The following DCDC1 variants were observed in gnomAD, a reference collection of about 807,000 sequenced individuals.
DCDC1 encodes the protein doublecortin domain-containing protein 1.
DCDC1 carries 200 observed loss-of-function variants against 178.3 expected under a neutral mutation model. The observed-to-expected ratio is 1.12, with a 90% confidence interval of 1.00 to 1.26. The LOEUF (loss-of-function observed/expected upper bound fraction) is 1.26. DCDC1 is among the 50% of genes most tolerant of loss of function. The probability of loss-of-function intolerance (pLI) is 0.00; values close to 1 mark genes in which losing one functional copy is unlikely to be tolerated. For missense variants in DCDC1, 1,983 were observed against 1,749.2 expected (o/e 1.13, Z -2.38); for synonymous variants, 690 against 604.8 (o/e 1.14, Z -2.07).
chr11:31,028,142 TA>T (rs930309492), intron 20 of DCDC1, among the ~76,000 whole-genome samples: 2 of 151,932 alleles, frequency 1.3e-5, no homozygotes, highest in Non-Finnish European at 2.9e-5. Context: ...ATAATAAAGC[TA>T]TTTTTTCTAA....
At chr11:31,206,047 G>C (rs1272423333) in intron 9 of DCDC1, among the ~76,000 whole-genome samples, 1 of 152,070 alleles carries the variant, frequency 6.6e-6, no homozygotes, top group South Asian at 2.1e-4. Context: ...ACATTACTGC[G>C]ATAGATGAGT....
At chr11:31,332,978 G>A (rs950232010) in intron 2 of DCDC1, among the ~76,000 whole-genome samples, 3 of 152,090 alleles carry the variant, frequency 2.0e-5, no homozygotes, top group African/African-American at 7.2e-5. Flanking sequence ...ACTGACAGTG[G>A]GGTGTTAAAG....
intron 6 of DCDC1, among the ~76,000 whole-genome samples, chr11:31,294,047 A>G (rs1162058648): frequency 6.6e-6 from 1 of 152,190 alleles, no homozygotes; most frequent in Non-Finnish European, 1.5e-5. Flanking sequence ...TTGCTTATTC[A>G]TTCAACAATA....
At chr11:31,130,865 C>T (rs1479305181) in intron 10 of DCDC1, among the ~76,000 whole-genome samples, 5 of 150,826 alleles carry the variant, frequency 3.3e-5, no homozygotes, top group African/African-American at 1.2e-4. Context: ...CTAAGGGAAA[C>T]AGAAAAAAGA....
At chr11:31,021,552 A>T (rs1406031214) in intron 20 of DCDC1, among the ~76,000 whole-genome samples, 1 of 152,146 alleles carries the variant, frequency 6.6e-6, no homozygotes, top group Non-Finnish European at 1.5e-5. Flanking sequence ...TATATGCATT[A>T]AAAAAATCTC....
intron 20 of DCDC1, among the ~76,000 whole-genome samples, chr11:30,997,854 C>T (rs904019140): frequency 2.0e-5 from 3 of 151,864 alleles, no homozygotes; most frequent in African/African-American, 7.3e-5. Flanking sequence ...AGCATCCAGA[C>T]CTTGGTTTCT....
chr11:31,197,103 T>TA (rs1970783327), intron 9 of DCDC1, among the ~76,000 whole-genome samples: 1 of 152,114 alleles, frequency 6.6e-6, no homozygotes, highest in South Asian at 2.1e-4. Context: ...TATATATATA[T>TA]TTTTATGTCA....
At chr11:31,326,600 G>T (rs1024459249) in intron 3 of DCDC1, among the ~76,000 whole-genome samples, 9 of 152,018 alleles carry the variant, frequency 5.9e-5, no homozygotes, top group African/African-American at 2.2e-4. Flanking sequence ...AACACACAGG[G>T]TATTCATTTT....
At chr11:30,908,864 G>T in intron 29 of DCDC1, 82 bp downstream of exon 29, 1 of 1,319,072 alleles carries the variant, frequency 7.6e-7, no homozygotes, top group Non-Finnish European at 1.0e-6. Context: ...AAGTTTTCTA[G>T]GGAAAAAAAT....
At chr11:31,173,238 C>T (rs981666740) in intron 9 of DCDC1, among the ~76,000 whole-genome samples, 3 of 152,014 alleles carry the variant, frequency 2.0e-5, no homozygotes, top group South Asian at 2.1e-4. Flanking sequence ...AAGAAAGTGA[C>T]GAAGAATTTG....
chr11:31,316,354 G>C (rs929916056), intron 3 of DCDC1, among the ~76,000 whole-genome samples: 78 of 128,322 alleles, frequency 6.1e-4, no homozygotes, highest in Non-Finnish European at 9.9e-4. Flanking sequence ...ATTCTAACTG[G>C]TGTGAAATGA....
At chr11:31,096,233 T>TA (rs1242421422) in intron 15 of DCDC1, among the ~76,000 whole-genome samples, 11 of 152,236 alleles carry the variant, frequency 7.2e-5, no homozygotes, top group Non-Finnish European at 1.3e-4. Flanking sequence ...ATTTGACTTA[T>TA]AGTGCTTACA....
At chr11:31,073,468 T>C (rs569968929) in intron 18 of DCDC1, among the ~76,000 whole-genome samples, 2 of 152,296 alleles carry the variant, frequency 1.3e-5, no homozygotes, top group African/African-American at 4.8e-5. Flanking sequence ...TTAGATAAGA[T>C]GGAATTATGT....
In DCDC1 at chr11:31,001,271, C is replaced by T. The variant is rs7130151; in HGVS notation, c.2592-48703G>A. 2.9e-3 allele frequency among the ~76,000 whole-genome samples: 441 copies of T among 152,024 alleles called. 15 individuals are homozygous for T. The East Asian group carries it at 0.072, about 25-fold the overall frequency. On this transcript the variant is annotated intron_variant, in intron 20 of 38. Transcript: ENST00000684477. ...TGTCAAGTAAAGGCATTTTGAAAGG[C>T]TTATAAACCATATTAAGTGGATTTT...
intron 21 of DCDC1, among the ~76,000 whole-genome samples, chr11:30,942,208 T>G (rs976769920): frequency 3.3e-5 from 5 of 152,182 alleles, no homozygotes; most frequent in Non-Finnish European, 7.4e-5. Context: ...TTATGACAAC[T>G]TCATTGTATA....
chr11:30,945,350 CAATT>C (rs1353743915), intron 21 of DCDC1, among the ~76,000 whole-genome samples: 1 of 151,940 alleles, frequency 6.6e-6, no homozygotes, highest in Non-Finnish European at 1.5e-5. Flanking sequence ...TCACTTAAAT[CAATT>C]AATTAACTGA....
At chr11:30,921,790 A>G (rs1029001666) in intron 24 of DCDC1, among the ~76,000 whole-genome samples, 2 of 152,172 alleles carry the variant, frequency 1.3e-5, no homozygotes, top group African/African-American at 4.8e-5. Flanking sequence ...TGCTACTCCA[A>G]TCTGAGGCAC....
intron 11 of DCDC1, among the ~76,000 whole-genome samples, chr11:31,124,435 T>G (rs1961295352): frequency 6.6e-6 from 1 of 152,138 alleles, no homozygotes; most frequent in African/African-American, 2.4e-5. Flanking sequence ...AACACTATTT[T>G]AAAGTTCATA....
chr11:31,182,734 A>T (rs1968974250), intron 9 of DCDC1, among the ~76,000 whole-genome samples: 1 of 152,214 alleles, frequency 6.6e-6, no homozygotes, highest in South Asian at 2.1e-4. Flanking sequence ...TGACAGGATC[A>T]AATTCACACA....
Sources: gnomAD v4.1 joint callset for allele counts (sites outside exome capture counted in the v4.1 genomes callset) on GRCh38, gnomAD v4.1.1 for gene constraint, MANE v1.5 for transcripts, NCBI Gene and HGNC (gene_info 2026-07-23, HGNC 2026-07-21) for gene names.